Variants in TCF3 observed in about 807,000 individuals in gnomAD.
The protein encoded by TCF3 is transcription factor 3, also known as transcription factor E2-alpha.
A neutral mutation model predicts 72.3 loss-of-function variants in TCF3; 54 were observed. The ratio of observed to expected loss-of-function variants is 0.75; its 90% CI spans 0.60 to 0.94. The LOEUF (loss-of-function observed/expected upper bound fraction) is 0.94, where lower values mean the gene tolerates loss of function less well. Among genes scored for constraint, TCF3 ranks in the 40% least tolerant of loss-of-function variants. The pLI is 0.00. For synonymous variants in TCF3, 525 were observed against 412.6 expected (o/e 1.27, Z -3.30); for missense variants, 1,078 against 934.4 (o/e 1.15, Z -2.00).
rs1347340570 is a variant in TCF3 at position 1,615,784 on chromosome 19, C to G, written c.1488G>C (p.Glu496Asp). 2.5e-6 allele frequency: 4 copies of G among 1,585,798 alleles called. No individual in the cohort carries two copies. The highest frequency in any genetic ancestry group is 3.4e-6 in the Non-Finnish European group (4 of 1,162,772). Residue 496 changes from glutamate (E) to aspartate (D), a missense_variant, in exon 17 of 19, where the codon GAG (glutamate) becomes GAC (aspartate). By Grantham distance (45) the Glu-to-Asp change is conservative. Coordinates refer to ENST00000262965, the MANE Select transcript of TCF3 (RefSeq NM_003200.5). This position sits in a 1 kb window ranked among gnomAD's most constrained non-coding sequence, Gnocchi z 7.3. ...CGTCCTCCTTCTCCTCCCGCTTGAT[C>G]TCGCTGGCGGCCGCCGTGGCACCTG... ...GRAGATAAAS[E>D]IKREEKEDEE...
At chr19:1,639,876 G>A (rs2064995439) in intron 3 of TCF3, among the ~76,000 whole-genome samples, 1 of 152,018 alleles carries the variant, frequency 6.6e-6, no homozygotes, top group South Asian at 2.1e-4. Flanking sequence ...GAACAGAAGA[G>A]GGCAGAAGTC....
rs1279033592 is a variant in TCF3 at position 1,614,816 on chromosome 19, C to CA, written c.1822+468dup. ...TCACCTTCAGATAGGGAAACTGAGT[C>CA]AGAGACAGGGGATGGGCTCATGTGG... On this transcript the variant is annotated intron_variant, in intron 18 of 18. Transcript: ENST00000262965. This position sits in a 1 kb window ranked among gnomAD's most constrained non-coding sequence, Gnocchi z 5.6. Among the ~76,000 whole-genome samples, 1 of 151,990 alleles carries CA rather than the reference C, an allele frequency of 6.6e-6. No individual in the cohort carries two copies. Among genetic ancestry groups the CA allele is most frequent in the Non-Finnish European group, 1.5e-5 (1 of 67,968 alleles).
chr19:1,626,314 G>A (rs1184186007), intron 6 of TCF3, among the ~76,000 whole-genome samples: 1 of 152,162 alleles, frequency 6.6e-6, no homozygotes, highest in Non-Finnish European at 1.5e-5. Flanking sequence ...GCCGGGTATG[G>A]TGGCACATGC....
At chr19:1,623,750 G>A (rs561687627) in intron 8 of TCF3, among the ~76,000 whole-genome samples, 104 of 152,272 alleles carry the variant, frequency 6.8e-4, no homozygotes, top group Non-Finnish European at 1.2e-3. Context: ...AAGACAGACA[G>A]AGGCTGGACC....
At chr19:1,630,918 G>A (rs559860522) in intron 5 of TCF3, among the ~76,000 whole-genome samples, 6 of 152,366 alleles carry the variant, frequency 3.9e-5, no homozygotes, top group African/African-American at 1.4e-4. Flanking sequence ...CCCGCAGGAG[G>A]GACCGCACAC....
chr19:1,647,400 C>A (rs1430924376), intron 2 of TCF3, among the ~76,000 whole-genome samples: 1 of 152,082 alleles, frequency 6.6e-6, no homozygotes, highest in African/African-American at 2.4e-5. Context: ...AACACCTTCC[C>A]CAGCCAGCCA....
chr19:1,617,825 G>A (rs116515719), intron 16 of TCF3, among the ~76,000 whole-genome samples: 47 of 152,292 alleles, frequency 3.1e-4, no homozygotes, highest in African/African-American at 1.1e-3. Flanking sequence ...AGGGTGCTGA[G>A]CAGCATCCCT....
Position 1,615,217 on chromosome 19 carries a change from A to C in TCF3, c.1822+68T>G, listed in dbSNP as rs907159180. On this transcript the variant is annotated intron_variant, in intron 18 of 18. Coordinates refer to ENST00000262965, the MANE Select transcript of TCF3 (RefSeq NM_003200.5). This position sits in a 1 kb window ranked among gnomAD's most constrained non-coding sequence, Gnocchi z 7.3. ...GCTCCAGGAAGGCGGGCGGGGAAGG[A>C]GAACGAGGGCAGGAACACGAGGGAG... 10 of 1,505,236 alleles carry C rather than the reference A, an allele frequency of 6.6e-6. 1 individual carries two copies. In the African/African-American group the frequency reaches 8.4e-5, roughly 13 times the overall value. The allele number at this position is 1,505,236 out of a possible 1,614,324, so 93.2% of individuals were successfully genotyped here. A position where few individuals can be genotyped will look rare whatever the true frequency, so the allele number is the denominator to read the frequency against.
In TCF3 at chr19:1,615,776, C is replaced by A. The variant is rs149277795; in HGVS notation, c.1496G>T (p.Arg499Leu). 2.3e-4 allele frequency: 365 copies of A among 1,590,216 alleles called. No homozygotes were observed. The African/African-American group carries it at 4.4e-3, about 19-fold the overall frequency. ...GATAAASEIK[R>L]EEKEDEENTS... ...GTTCTCCTCGTCCTCCTTCTCCTCC[C>A]GCTTGATCTCGCTGGCGGCCGCCGT... The change falls in exon 17 of 19, where the codon CGG (arginine) becomes CTG (leucine). Residue 499 changes from arginine to leucine, a missense_variant. Coordinates refer to ENST00000262965, the MANE Select transcript of TCF3 (RefSeq NM_003200.5). This position sits in a 1 kb window ranked among gnomAD's most constrained non-coding sequence, Gnocchi z 7.3.
chr19:1,645,907 T>C (rs899825863), intron 3 of TCF3, among the ~76,000 whole-genome samples: 1 of 152,084 alleles, frequency 6.6e-6, no homozygotes, highest in African/African-American at 2.4e-5. Context: ...AAGCGCCTAA[T>C]ACCTGCTTAA....
chr19:1,613,880 G>A (rs550547062), intron 18 of TCF3, among the ~76,000 whole-genome samples: 1 of 152,236 alleles, frequency 6.6e-6, no homozygotes, highest in African/African-American at 2.4e-5. Flanking sequence ...GTCGCAGTAG[G>A]AGCTCTGAGG....
At position 1,615,133 on chromosome 19, in the gene TCF3, G is replaced by A. The variant is rs1273842741; in HGVS notation, c.1822+152C>T. The stretch of plus-strand genomic sequence containing the variant: ...AGGAGTGGACAGTCATGGCAATGCG[G>A]TCAGAGGGGTGAAGGGCACAGTCAC... On this transcript the variant is annotated intron_variant, in intron 18 of 18. Coordinates refer to ENST00000262965, the MANE Select transcript of TCF3 (RefSeq NM_003200.5). This position sits in a 1 kb window ranked among gnomAD's most constrained non-coding sequence, Gnocchi z 7.3. The A allele has an allele frequency of 4.3e-6, 4 of 920,254 alleles. No individual in the cohort carries two copies. Among genetic ancestry groups the A allele is most frequent in the Non-Finnish European group, 6.4e-6 (4 of 628,138 alleles). The allele number at this position is 920,254 out of a possible 1,614,324, so 57.0% of individuals were successfully genotyped here. A position where few individuals can be genotyped will look rare whatever the true frequency, so the allele number is the denominator to read the frequency against.
intron 3 of TCF3, among the ~76,000 whole-genome samples, chr19:1,643,216 C>CT (rs1163865378): frequency 2.0e-5 from 3 of 152,082 alleles, no homozygotes; most frequent in African/African-American, 7.2e-5. Flanking sequence ...TCTCTAATGC[C>CT]TTTTTTGTTT....
intron 3 of TCF3, 48 bp from the exon 4 acceptor site, chr19:1,632,453 G>C (rs1191377776): frequency 6.5e-7 from 1 of 1,530,722 alleles, no homozygotes; most frequent in Admixed American, 2.0e-5. Flanking sequence ...CGCCTGCCCA[G>C]CTCTAAAAGC....
chr19:1,631,642 A>G (rs2063729714), intron 5 of TCF3, among the ~76,000 whole-genome samples: 1 of 151,882 alleles, frequency 6.6e-6, no homozygotes, highest in Admixed American at 6.6e-5. Context: ...GCGGAAGGGC[A>G]TGGGCTCTGA....
chr19:1,651,449 C>CT (rs1157443751), intron 1 of TCF3: 6 of 225,804 alleles, frequency 2.7e-5, no homozygotes, highest in African/African-American at 1.3e-4. Context: ...GTGAAACTGA[C>CT]TTTTTTTGAG....
chr19:1,634,215 C>A (rs570930827), intron 3 of TCF3, among the ~76,000 whole-genome samples: 16 of 151,856 alleles, frequency 1.1e-4, no homozygotes, highest in Admixed American at 5.9e-4. Flanking sequence ...TTATTAAAAT[C>A]CCCCCCACCG....
intron 14 of TCF3, 134 bp downstream of exon 14, chr19:1,619,636 TGTGTGCCTTG>T: frequency 7.8e-7 from 1 of 1,275,466 alleles, no homozygotes; most frequent in Non-Finnish European, 1.1e-6. Context: ...ACACAAAATG[TGTGTGCCTTG>T]GCGGCCACGA....
In TCF3 at chr19:1,646,429, T is replaced by C; in HGVS notation, c.73-2A>G. 6.5e-7 allele frequency: 1 copy of C among 1,543,784 alleles called. No individual in the cohort carries two copies. The highest frequency in any genetic ancestry group is 8.8e-7 in the Non-Finnish European group (1 of 1,142,688). ...GTTGGTGACAGGCAGCGGGAACATC[T>C]GCAGGGAGGGGAGGGGAGACGTGAG... On this transcript the variant is annotated splice_acceptor_variant, in intron 2 of 18. Coordinates refer to ENST00000262965, the MANE Select transcript of TCF3 (RefSeq NM_003200.5). LOFTEE classifies it high-confidence loss of function.
Sources: allele counts gnomAD v4.1 joint callset (sites outside exome capture counted in the v4.1 genomes callset), GRCh38; gene constraint gnomAD v4.1.1; non-coding constraint Gnocchi (gnomAD v3.1); transcripts MANE v1.5; gene names NCBI Gene and HGNC (gene_info 2026-07-23, HGNC 2026-07-21).